Variants in MYCBP2 observed in about 807,000 individuals in gnomAD.
The protein encoded by MYCBP2 is MYC binding protein 2, also known as E3 ubiquitin-protein ligase MYCBP2.
A neutral mutation model predicts 525.3 loss-of-function variants in MYCBP2; 120 were observed. The ratio of observed to expected loss-of-function variants is 0.23; its 90% CI spans 0.20 to 0.27. The LOEUF (loss-of-function observed/expected upper bound fraction) is 0.27. MYCBP2 is among the 10% of genes least tolerant of loss of function. The pLI is 1.00. For synonymous variants in MYCBP2, 1,894 were observed against 1,955.8 expected (o/e 0.97, Z 0.83); for missense variants, 4,149 against 5,657.1 (o/e 0.73, Z 8.55).
chr13:77,050,916 G>A, intron 82 of MYCBP2, 81 bp downstream of exon 82: 1 of 1,258,010 alleles, frequency 7.9e-7, no homozygotes, highest in South Asian at 1.4e-5. Context: ...TCTGTCACTT[G>A]AAACAGAGCT....
At chr13:77,171,662 T>C (rs1391704398) in intron 37 of MYCBP2, 28 bp from the exon 38 acceptor site, 2 of 1,608,598 alleles carry the variant, frequency 1.2e-6, no homozygotes, top group African/African-American at 2.7e-5. Context: ...ATGAGATTAT[T>C]TTACAATGGT....
intron 30 of MYCBP2, among the ~76,000 whole-genome samples, chr13:77,187,935 G>C (rs1452049012): frequency 2.0e-5 from 3 of 152,016 alleles, no homozygotes; most frequent in Non-Finnish European, 4.4e-5. Flanking sequence ...GCTGGGCGTG[G>C]TGGCAGGCGC....
chr13:77,101,422 T>C (rs2047044340), intron 55 of MYCBP2, among the ~76,000 whole-genome samples: 1 of 152,074 alleles, frequency 6.6e-6, no homozygotes, highest in African/African-American at 2.4e-5. Flanking sequence ...ATTCTAGGAA[T>C]GCATATGAAC....
Position 77,251,197 on chromosome 13 carries a change from C to T in MYCBP2, c.2335G>A (p.Gly779Arg). The T allele has an allele frequency of 6.2e-7, 1 of 1,614,208 alleles. No homozygotes were observed. Among genetic ancestry groups the T allele is most frequent in the Non-Finnish European group, 8.5e-7 (1 of 1,180,042 alleles). ...CGTCCACTACTGACACAGCTGGCTC[C>T]ATAACCTGTACAGTCTCCACAGACA... ...CTVCGDCTGY[G>R]ASCVSSGRPD... is the part of the protein sequence containing the mutation. Residue 779 changes from glycine (G) to arginine (R), a missense_variant, in exon 15 of 83, where the codon GGA becomes AGA. By Grantham distance (125) the Gly-to-Arg change is moderately radical. This residue lies in a region of MYCBP2 where 620 missense variants were observed against 795.5 expected (regional missense o/e 0.78). Transcript: ENST00000544440.
At chr13:77,139,393 G>T (rs545563101) in intron 51 of MYCBP2, 57 bp from the exon 52 acceptor site, 5 of 1,564,536 alleles carry the variant, frequency 3.2e-6, no homozygotes, top group Non-Finnish European at 4.3e-6. Flanking sequence ...TATGAGGCTA[G>T]CAAGGTCTGA....
chr13:77,105,261 G>C (rs182145228), intron 55 of MYCBP2, among the ~76,000 whole-genome samples: 3 of 152,068 alleles, frequency 2.0e-5, no homozygotes, highest in African/African-American at 7.2e-5. Context: ...AAAACTATGA[G>C]GAAACTTATA....
intron 76 of MYCBP2, among the ~76,000 whole-genome samples, chr13:77,060,166 C>G (rs1239785109): frequency 1.3e-5 from 2 of 151,984 alleles, no homozygotes; most frequent in Non-Finnish European, 2.9e-5. Context: ...AAAACAAGAA[C>G]AGAGCAATAA....
Position 77,233,080 on chromosome 13 carries a change from T to C in MYCBP2, c.2737+76A>G, listed in dbSNP as rs1462603375. 3.9e-6 allele frequency: 5 copies of C among 1,290,938 alleles called. No individual in the cohort carries two copies. In the Admixed American group the frequency reaches 7.0e-5, roughly 18 times the overall value. 80.0% of individuals were successfully genotyped at this position (1,290,938 alleles called of 1,614,324 possible). A position where few individuals can be genotyped will look rare whatever the true frequency, so the allele number is the denominator to read the frequency against. On this transcript the variant is annotated intron_variant, in intron 18 of 82. Coordinates refer to ENST00000544440, the MANE Select transcript of MYCBP2 (RefSeq NM_015057.5). ...AGTAGAAGAATCAGGTTTGTGCATT[T>C]TCCCAGAGACAAAATTCAAATGAGT... is the stretch of plus-strand genomic sequence containing the variant.
intron 49 of MYCBP2, among the ~76,000 whole-genome samples, chr13:77,142,380 G>A (rs926907293): frequency 6.6e-6 from 1 of 152,182 alleles, no homozygotes; most frequent in African/African-American, 2.4e-5. Flanking sequence ...AAAGAAGAGT[G>A]CAGCAAAGGC....
At chr13:77,245,836 G>GTA (rs200669454) in intron 15 of MYCBP2, among the ~76,000 whole-genome samples, 3,731 of 131,392 alleles carry the variant, frequency 0.028, 67 homozygotes, top group Middle Eastern at 0.086. Context: ...ACATATATAT[G>GTA]TATATATATA....
At chr13:77,110,568 T>C (rs1055384107) in intron 55 of MYCBP2, among the ~76,000 whole-genome samples, 2 of 152,200 alleles carry the variant, frequency 1.3e-5, no homozygotes, top group Non-Finnish European at 2.9e-5. Context: ...ATGTGATCTT[T>C]GTGACCTACT....
chr13:77,074,012 C>CCTT (rs1555308467), intron 68 of MYCBP2, among the ~76,000 whole-genome samples: 3 of 91,692 alleles, frequency 3.3e-5, no homozygotes, highest in African/African-American at 9.7e-5. Flanking sequence ...GCCCCCCCCC[C>CCTT]TTTTTTTTTT....
At chr13:77,192,138 G>T (rs2061352572) in intron 27 of MYCBP2, among the ~76,000 whole-genome samples, 1 of 152,148 alleles carries the variant, frequency 6.6e-6, no homozygotes, top group South Asian at 2.1e-4. Context: ...ATAAAAATCT[G>T]AACTTTAGTT....
rs745323880 is a variant in MYCBP2 at position 77,261,164 on chromosome 13, A to T, written c.1852+7T>A. The T allele has an allele frequency of 1.4e-5, 22 of 1,608,266 alleles. No homozygotes were observed. On this transcript the variant is annotated splice_region_variant and intron_variant, in intron 12 of 82. Transcript: ENST00000544440. ...TTATTAAATGCATAGTTGATCACTC[A>T]ACTTACTTGATTCTCCATCTTCTCC...
At chr13:77,105,771 A>G (rs1233677674) in intron 55 of MYCBP2, among the ~76,000 whole-genome samples, 13 of 152,118 alleles carry the variant, frequency 8.5e-5, no homozygotes, top group Non-Finnish European at 1.9e-4. Context: ...AGAGAATAAT[A>G]TTAAAAACAA....
chr13:77,261,100 TA>T, intron 12 of MYCBP2, 70 bp downstream of exon 12: 1 of 1,224,082 alleles, frequency 8.2e-7, no homozygotes, highest in Non-Finnish European at 1.1e-6. Flanking sequence ...AACTTTATCT[TA>T]ATAAAGTTTT....
intron 8 of MYCBP2, among the ~76,000 whole-genome samples, chr13:77,266,304 A>C (rs2074070721): frequency 6.6e-6 from 1 of 152,168 alleles, no homozygotes; most frequent in African/African-American, 2.4e-5. Flanking sequence ...ATTACAGTGT[A>C]ATTTATATAG....
chr13:77,209,543 A>G (rs1333811786), intron 23 of MYCBP2, among the ~76,000 whole-genome samples: 1 of 152,200 alleles, frequency 6.6e-6, no homozygotes, highest in African/African-American at 2.4e-5. Context: ...AGCCAATTCT[A>G]TCTTTACATC....
At chr13:77,293,993 A>C (rs9544449) in intron 2 of MYCBP2, among the ~76,000 whole-genome samples, 85,456 of 149,138 alleles carry the variant, frequency 0.57, 27,837 homozygotes, top group Non-Finnish European at 0.73. Flanking sequence ...AGTTTTTCTA[A>C]AAAGAAAGAC....
Sources: gnomAD v4.1 joint callset for allele counts (sites outside exome capture counted in the v4.1 genomes callset) on GRCh38, gnomAD v4.1.1 for gene constraint, gnomAD v4.1.1 regional missense constraint, MANE v1.5 for transcripts, NCBI Gene and HGNC (gene_info 2026-07-23, HGNC 2026-07-21) for gene names.